SSBP3: variants seen among roughly 807,000 people sequenced by gnomAD.
SSBP3 encodes single stranded DNA binding protein 3.
Under a neutral mutation model 69.6 loss-of-function variants are expected in SSBP3, and 5 were observed. The observed-to-expected ratio is 0.07, with a 90% confidence interval of 0.04 to 0.15. The LOEUF (loss-of-function observed/expected upper bound fraction) is 0.15. Among genes scored for constraint, SSBP3 ranks in the 10% least tolerant of loss-of-function variants. SSBP3 has a pLI of 1.00. For synonymous variants in SSBP3, 196 were observed against 193.4 expected (o/e 1.01, Z -0.11); for missense variants, 312 against 534.0 (o/e 0.58, Z 4.10).
chr1:54,280,671 C>T (rs971724063), intron 5 of SSBP3, among the ~76,000 whole-genome samples: 7 of 152,208 alleles, frequency 4.6e-5, no homozygotes, highest in African/African-American at 1.2e-4. Flanking sequence ...ATTCCCCAGT[C>T]TCAAGTTGGC....
intron 4 of SSBP3, among the ~76,000 whole-genome samples, chr1:54,289,671 G>T (rs891775783): frequency 1.9e-4 from 29 of 152,176 alleles, no homozygotes; most frequent in Non-Finnish European, 2.4e-4. Context: ...AAGGACGGCA[G>T]GACTCGAGGA....
chr1:54,394,456 C>G (rs1050315106), intron 4 of SSBP3, among the ~76,000 whole-genome samples: 1 of 151,344 alleles, frequency 6.6e-6, no homozygotes, highest in Non-Finnish European at 1.5e-5. Context: ...TCTTTTTAAG[C>G]CCACATCTCA....
At chr1:54,285,072 G>A (rs976454655) in intron 4 of SSBP3, among the ~76,000 whole-genome samples, 3 of 152,302 alleles carry the variant, frequency 2.0e-5, no homozygotes, top group African/African-American at 7.2e-5. Context: ...CTGAGGAGAC[G>A]CCTTTATCAT....
intron 5 of SSBP3, among the ~76,000 whole-genome samples, chr1:54,271,399 A>G (rs1645190930): frequency 6.6e-6 from 1 of 152,152 alleles, no homozygotes; most frequent in African/African-American, 2.4e-5. Context: ...ATGAGCCACC[A>G]CGTGTGGCCT....
chr1:54,358,472 C>A (rs897498510), intron 4 of SSBP3, among the ~76,000 whole-genome samples: 2 of 152,214 alleles, frequency 1.3e-5, no homozygotes, highest in African/African-American at 4.8e-5. Context: ...TCGTGAGCAA[C>A]TCCACAACTG....
chr1:54,261,500 C>A (rs1645016945), intron 5 of SSBP3, among the ~76,000 whole-genome samples: 1 of 152,220 alleles, frequency 6.6e-6, no homozygotes, highest in African/African-American at 2.4e-5. Context: ...TCCCCGAACT[C>A]TGAACAGACC....
chr1:54,272,715 G>A (rs560495136), intron 5 of SSBP3, among the ~76,000 whole-genome samples: 9 of 152,340 alleles, frequency 5.9e-5, no homozygotes, highest in Admixed American at 3.3e-4. Context: ...ACCTGCGGCA[G>A]AGCAGCTTCC....
At chr1:54,245,710 A>G (rs2100677150) in intron 9 of SSBP3, among the ~76,000 whole-genome samples, 1 of 152,346 alleles carries the variant, frequency 6.6e-6, no homozygotes, top group South Asian at 2.1e-4. Context: ...ATGGGCTTCA[A>G]GCAAACAGTG....
At position 54,243,317 on chromosome 1, in the gene SSBP3, GGTCA is replaced by G. The variant is rs1358466668; in HGVS notation, c.652-22_652-19del. 1.2e-6 allele frequency: 2 copies of G among 1,614,062 alleles called. No homozygotes were observed. The highest frequency in any genetic ancestry group is 1.7e-6 in the Non-Finnish European group (2 of 1,179,986). On this transcript the variant is annotated intron_variant, in intron 9 of 17. Coordinates refer to ENST00000610401, the Ensembl canonical transcript of SSBP3. ...CCGTAATTCTGCAACGATAACCAAG[GGTCA>G]GTCTATGAGAAGAAGGGAACCGGAG...
At position 54,258,058 on chromosome 1, in the gene SSBP3, G is replaced by A. The variant is rs1226646263; in HGVS notation, c.447+11C>T. 6.3e-6 allele frequency: 10 copies of A among 1,578,924 alleles called. No homozygotes were observed. The highest frequency in any genetic ancestry group is 2.3e-5 in the South Asian group (2 of 85,794). On this transcript the variant is annotated intron_variant, in intron 6 of 17. Coordinates refer to ENST00000610401, the Ensembl canonical transcript of SSBP3. This position sits in a 1 kb window ranked among gnomAD's most constrained non-coding sequence, Gnocchi z 4.5. ...CGTCCCCGGCGGGCGGGAGCGCCAC[G>A]GTGCGTTTACCTGACTGTGGGGTCC...
chr1:54,233,600 C>T (rs1481394868), intron 14 of SSBP3, among the ~76,000 whole-genome samples: 4 of 148,050 alleles, frequency 2.7e-5, no homozygotes, highest in Non-Finnish European at 6.0e-5. Flanking sequence ...GGGGTCAGCC[C>T]CCTGCCCGGC....
Position 54,250,544 on chromosome 1 carries a change from G to A in SSBP3, c.651+1072C>T, listed in dbSNP as rs557987506. On this transcript the variant is annotated intron_variant, in intron 9 of 17. Coordinates refer to ENST00000610401, the Ensembl canonical transcript of SSBP3. ...AGGGAGCACGTGTGGGCGGGAATGG[G>A]GGGGGGCACTACTCCACCCTCAGGG... Among the ~76,000 whole-genome samples the A allele has an allele frequency of 4.3e-3, 653 of 152,146 alleles. 11 individuals are homozygous for A. Among genetic ancestry groups the A allele is most frequent in the Non-Finnish European group, 5.9e-3 (399 of 67,986 alleles).
chr1:54,247,241 A>C (rs1005336971), intron 9 of SSBP3, among the ~76,000 whole-genome samples: 3 of 152,232 alleles, frequency 2.0e-5, no homozygotes, highest in Admixed American at 6.5e-5. Flanking sequence ...GCTGGCCCCC[A>C]GAGTCTGCAT....
At chr1:54,412,318 A>G (rs562905132) in intron 1 of SSBP3, among the ~76,000 whole-genome samples, 75 of 152,314 alleles carry the variant, frequency 4.9e-4, no homozygotes, top group African/African-American at 1.6e-3. Flanking sequence ...GACAGAACGA[A>G]ACTCTGTCTC....
At chr1:54,344,704 A>G (rs1646660850) in intron 4 of SSBP3, among the ~76,000 whole-genome samples, 1 of 152,106 alleles carries the variant, frequency 6.6e-6, no homozygotes, top group African/African-American at 2.4e-5. Context: ...GAGCAAAGAG[A>G]TGAGAGATAG....
intron 4 of SSBP3, among the ~76,000 whole-genome samples, chr1:54,306,510 ATCCCTTGGC>A (rs1378556516): frequency 6.6e-6 from 1 of 152,218 alleles, no homozygotes; most frequent in Non-Finnish European, 1.5e-5. Context: ...TACCTCGGTC[ATCCCTTGGC>A]TGAGTGGGAA....
At chr1:54,295,990 C>T (rs1645697784) in intron 4 of SSBP3, among the ~76,000 whole-genome samples, 1 of 152,094 alleles carries the variant, frequency 6.6e-6, no homozygotes, top group African/African-American at 2.4e-5. Context: ...CTGTTGGTTC[C>T]AAAAAAGTGG....
rs373515816 is a variant in SSBP3, at chr1:54,242,492, C to T, written c.717-280G>A. Among the ~76,000 whole-genome samples the T allele has an allele frequency of 1.1e-4, 17 of 152,228 alleles. No individual in the cohort carries two copies. The East Asian group carries it at 2.1e-3, about 19-fold the overall frequency. ...TGTGCATTTTCCTAGGAAGGGAGTC[C>T]ACATTCTCACAACAGGGTTAAAAAT... On this transcript the variant is annotated intron_variant, in intron 10 of 17. Transcript: ENST00000610401.
intron 4 of SSBP3, among the ~76,000 whole-genome samples, chr1:54,386,229 C>T (rs1648070612): frequency 6.6e-6 from 1 of 152,220 alleles, no homozygotes; most frequent in South Asian, 2.1e-4. Context: ...CAACCCCTCG[C>T]TCCCCACAGA....
Sources: gnomAD v4.1 joint callset for allele counts (sites outside exome capture counted in the v4.1 genomes callset) on GRCh38, gnomAD v4.1.1 for gene constraint, Gnocchi (gnomAD v3.1) non-coding constraint, MANE v1.5 for transcripts, NCBI Gene and HGNC (gene_info 2026-07-23, HGNC 2026-07-21) for gene names.